KLHL1: variants seen among roughly 807,000 people sequenced by gnomAD.
KLHL1 encodes kelch like family member 1.
Under a neutral mutation model 77.7 loss-of-function variants are expected in KLHL1, and 47 were observed. That is an observed-to-expected ratio of 0.60 (90% CI 0.48 to 0.77). The LOEUF is 0.77. Among genes scored for constraint, KLHL1 ranks in the 30% least tolerant of loss-of-function variants. The probability of loss-of-function intolerance (pLI) is 0.00; values close to 1 mark genes in which losing one functional copy is unlikely to be tolerated. For missense variants in KLHL1, 925 were observed against 910.8 expected (o/e 1.02, Z -0.20); for synonymous variants, 360 against 325.2 (o/e 1.11, Z -1.15).
intron 7 of KLHL1, among the ~76,000 whole-genome samples, chr13:69,748,748 A>T (rs962587483): frequency 6.6e-6 from 1 of 151,660 alleles, no homozygotes. Context: ...AACTTTTAAT[A>T]AATTTTAGTT....
chr13:70,099,344 G>C (rs1244255928), intron 1 of KLHL1, among the ~76,000 whole-genome samples: 1 of 151,504 alleles, frequency 6.6e-6, no homozygotes, highest in African/African-American at 2.4e-5. Flanking sequence ...TGTTCATCTA[G>C]TATTGGCAAT....
chr13:69,821,309 T>C (rs1878326271), intron 6 of KLHL1, among the ~76,000 whole-genome samples: 1 of 152,058 alleles, frequency 6.6e-6, no homozygotes, highest in South Asian at 2.1e-4. Flanking sequence ...TATTTATGTA[T>C]GTCTTCTTTT....
Position 69,824,683 on chromosome 13 carries a change from C to G in KLHL1, c.1414+14293G>C, listed in dbSNP as rs555924187. On this transcript the variant is annotated intron_variant, in intron 6 of 10. Transcript: ENST00000377844. ...TGTGTGATTTCCATTTATGTGAAGT[C>G]TACAAATAGGCAAAACTAACGTAGG... Among the ~76,000 whole-genome samples, 4 of 152,010 alleles carry G rather than the reference C, an allele frequency of 2.6e-5. No individual in the cohort carries two copies. The South Asian group carries it at 8.3e-4, about 32-fold the overall frequency.
chr13:70,070,311 A>C (rs905217524), intron 1 of KLHL1, among the ~76,000 whole-genome samples: 2 of 152,036 alleles, frequency 1.3e-5, no homozygotes, highest in Non-Finnish European at 2.9e-5. Context: ...TCATAATAAA[A>C]CTTCAGAAAA....
Position 69,896,301 on chromosome 13 carries a change from A to T in KLHL1, c.1015-13806T>A, listed in dbSNP as rs569452813. ...CTGGCTTCCTCTTCTGCTTTTGCAG[A>T]CTCATGCCGCTACACTTGACTAATC... On this transcript the variant is annotated intron_variant, in intron 4 of 10. Transcript: ENST00000377844. Among the ~76,000 whole-genome samples the T allele has an allele frequency of 2.0e-5, 3 of 151,338 alleles. No individual in the cohort carries two copies. In the South Asian group the frequency reaches 6.3e-4, roughly 32 times the overall value.
At chr13:69,822,691 C>G (rs1262983362) in intron 6 of KLHL1, among the ~76,000 whole-genome samples, 2 of 151,940 alleles carry the variant, frequency 1.3e-5, no homozygotes, top group African/African-American at 4.8e-5. Flanking sequence ...AACCTTATAA[C>G]AATAGGCCAA....
intron 1 of KLHL1, among the ~76,000 whole-genome samples, chr13:70,046,919 G>C (rs1886514060): frequency 6.6e-6 from 1 of 152,130 alleles, no homozygotes; most frequent in Non-Finnish European, 1.5e-5. Context: ...TATTGTATTT[G>C]ATCCTCCTTT....
chr13:69,877,658 C>A (rs1880819160), intron 5 of KLHL1, among the ~76,000 whole-genome samples: 1 of 151,998 alleles, frequency 6.6e-6, no homozygotes, highest in Non-Finnish European at 1.5e-5. Context: ...CTATCACTAT[C>A]ATTTTCCCTT....
At chr13:69,823,786 G>A (rs996036789) in intron 6 of KLHL1, among the ~76,000 whole-genome samples, 1 of 151,998 alleles carries the variant, frequency 6.6e-6, no homozygotes, top group Non-Finnish European at 1.5e-5. Context: ...CAGAGAAACT[G>A]AGCTTGGTAT....
intron 6 of KLHL1, among the ~76,000 whole-genome samples, chr13:69,817,921 A>G (rs538515294): frequency 1.3e-4 from 20 of 152,318 alleles, no homozygotes; most frequent in Non-Finnish European, 2.4e-4. Context: ...GATGAGGTTC[A>G]AAACCCTCTA....
At chr13:69,800,708 T>C (rs1056216055) in intron 6 of KLHL1, among the ~76,000 whole-genome samples, 1 of 152,174 alleles carries the variant, frequency 6.6e-6, no homozygotes, top group Non-Finnish European at 1.5e-5. Context: ...TATTAATTTA[T>C]CAATTTGTGA....
chr13:70,018,277 T>A (rs1007623161), intron 1 of KLHL1, among the ~76,000 whole-genome samples: 1 of 152,204 alleles, frequency 6.6e-6, no homozygotes. Flanking sequence ...AATTAGAAAG[T>A]TGATAAATGG....
chr13:70,035,940 A>G (rs1001095324), intron 1 of KLHL1, among the ~76,000 whole-genome samples: 2 of 152,086 alleles, frequency 1.3e-5, no homozygotes, highest in Non-Finnish European at 2.9e-5. Context: ...ATTTTACAAT[A>G]TCATTGCTTT....
intron 5 of KLHL1, among the ~76,000 whole-genome samples, chr13:69,846,919 A>G (rs1593883213): frequency 6.6e-6 from 1 of 151,586 alleles, no homozygotes; most frequent in Non-Finnish European, 1.5e-5. Flanking sequence ...CTTTATAAAA[A>G]TAGGATGCAT....
chr13:69,823,144 G>A (rs1878405828), intron 6 of KLHL1, among the ~76,000 whole-genome samples: 1 of 152,020 alleles, frequency 6.6e-6, no homozygotes. Context: ...TTCAAAGTAA[G>A]GCTGCATCCA....
chr13:69,971,709 C>T (rs192515321), intron 2 of KLHL1, among the ~76,000 whole-genome samples: 241 of 152,102 alleles, frequency 1.6e-3, no homozygotes, highest in Middle Eastern at 3.4e-3. Flanking sequence ...ATATATTCTA[C>T]CTTGCAGTTA....
chr13:69,787,640 T>A (rs1425724771), intron 7 of KLHL1, among the ~76,000 whole-genome samples: 27 of 151,986 alleles, frequency 1.8e-4, no homozygotes, highest in African/African-American at 5.1e-4. Context: ...CAATGGCAAC[T>A]AAAGCCAGAA....
chr13:69,878,642 GTATA>G (rs1335480433), intron 5 of KLHL1, among the ~76,000 whole-genome samples: 2 of 151,656 alleles, frequency 1.3e-5, no homozygotes, highest in African/African-American at 2.4e-5. Context: ...TTACGTGTGT[GTATA>G]TAAACACATA....
chr13:69,817,910 TG>T (rs1333379230), intron 6 of KLHL1, among the ~76,000 whole-genome samples: 1 of 152,170 alleles, frequency 6.6e-6, no homozygotes, highest in African/African-American at 2.4e-5. Flanking sequence ...GAATGTACAA[TG>T]ATGAGGTTCA....
Sources: gnomAD v4.1 joint callset for allele counts (sites outside exome capture counted in the v4.1 genomes callset) on GRCh38, gnomAD v4.1.1 for gene constraint, MANE v1.5 for transcripts, NCBI Gene and HGNC (gene_info 2026-07-23, HGNC 2026-07-21) for gene names.